Variants in EFEMP1 observed in about 807,000 individuals in gnomAD.
The protein encoded by EFEMP1 is EGF-like fibulin extracellular matrix protein 1.
A neutral mutation model predicts 65.7 loss-of-function variants in EFEMP1; 18 were observed. The ratio of observed to expected loss-of-function variants is 0.27; its 90% CI spans 0.19 to 0.41. EFEMP1 has a LOEUF of 0.41. EFEMP1 is among the 10% of genes least tolerant of loss of function. The pLI is 1.00. For synonymous variants in EFEMP1, 237 were observed against 219.7 expected, an observed-to-expected ratio of 1.08 and a Z score of -0.70; for missense variants, 469 against 624.8, an observed-to-expected ratio of 0.75 and a Z score of 2.66.
At position 55,866,390 on chromosome 2, in the gene EFEMP1, T is replaced by A. The variant is rs1668578736; in HGVS notation, c.*683A>T. The A allele has an allele frequency of 6.6e-6, 1 of 152,232 alleles. No individual in the cohort carries two copies. Among genetic ancestry groups the A allele is most frequent in the Non-Finnish European group, 1.5e-5 (1 of 68,050 alleles). 9.4% of individuals were successfully genotyped at this position (152,232 alleles called of 1,614,324 possible). ...ATCCTCCCCATAGATTTCTCAATAGTATAATTTTCTAGGGGATATCTGGTT... is the reference window on the plus strand; with the variant it reads ...ATCCTCCCCATAGATTTCTCAATAGAATAATTTTCTAGGGGATATCTGGTT... On this transcript the variant is annotated 3_prime_UTR_variant, in exon 12 of 12. Transcript: ENST00000355426.
At position 55,918,229 on chromosome 2, in the gene EFEMP1, C is replaced by G. The variant is rs1191176601; in HGVS notation, c.120G>C (p.Gln40His). Residue 40 changes from glutamine (Q) to histidine (H), a missense_variant, in exon 4 of 12, where the codon CAG (glutamine) becomes CAC (histidine). Coordinates refer to ENST00000355426, the MANE Select transcript of EFEMP1 (RefSeq NM_001039348.3). Reference sequence around the variant, plus strand: ...TTGAAGCTGGCTCACCTTTGCATTGCTGTCTCACAGGATCCCACTCATATC... The same window carrying G: ...TTGAAGCTGGCTCACCTTTGCATTGGTGTCTCACAGGATCCCACTCATATC... The part of the protein sequence containing the change: ...TDGYEWDPVR[Q>H]QCKDIDECDI... 6.2e-7 allele frequency: 1 copy of G among 1,614,086 alleles called. No individual in the cohort carries two copies. The highest frequency in any genetic ancestry group is 2.2e-5 in the East Asian group (1 of 44,900).
intron 5 of EFEMP1, among the ~76,000 whole-genome samples, chr2:55,904,029 G>A (rs1384959971): frequency 2.0e-5 from 3 of 152,176 alleles, no homozygotes; most frequent in African/African-American, 4.8e-5. Context: ...GGAAGATAAA[G>A]GTATGGCTCA....
chr2:55,912,198 T>G (rs1011646700), intron 5 of EFEMP1, among the ~76,000 whole-genome samples: 22 of 152,202 alleles, frequency 1.4e-4, no homozygotes, highest in African/African-American at 5.3e-4. Flanking sequence ...GTCTTCCTTT[T>G]GCAAAATATC....
intron 5 of EFEMP1, among the ~76,000 whole-genome samples, chr2:55,906,116 C>T (rs1384179842): frequency 2.0e-5 from 3 of 151,956 alleles, no homozygotes; most frequent in East Asian, 1.9e-4. Context: ...AAATTTCCTT[C>T]TTCCATTTAG....
chr2:55,892,602 CTG>C (rs1276978545), intron 5 of EFEMP1, among the ~76,000 whole-genome samples: 4 of 152,218 alleles, frequency 2.6e-5, no homozygotes, highest in Middle Eastern at 3.4e-3. Flanking sequence ...AAATACACTA[CTG>C]TGTTCCTATA....
At chr2:55,869,236 T>C (rs1668707339) in intron 11 of EFEMP1, among the ~76,000 whole-genome samples, 1 of 152,124 alleles carries the variant, frequency 6.6e-6, no homozygotes, top group Admixed American at 6.5e-5. Context: ...TGCTAGAAAA[T>C]TTTATTTTCT....
intron 5 of EFEMP1, among the ~76,000 whole-genome samples, chr2:55,899,152 A>C (rs1445831544): frequency 2.6e-5 from 4 of 152,204 alleles, no homozygotes; most frequent in African/African-American, 9.6e-5. Flanking sequence ...TGGCAGCACC[A>C]ATTCCTCCTC....
In EFEMP1 at chr2:55,919,149, T is replaced by C. The variant is rs565518149; in HGVS notation, c.82-882A>G. Among the ~76,000 whole-genome samples, 11 of 152,212 alleles carry C rather than the reference T, an allele frequency of 7.2e-5. No homozygotes were observed. The highest frequency in any genetic ancestry group is 3.3e-4 in the Admixed American group (5 of 15,286). ...GTGGGAATTCTAGGAAGAGAGGCTA[T>C]TGTGACAAAGGCATAAAATTTTTGA... On this transcript the variant is annotated intron_variant, in intron 3 of 11. Coordinates refer to ENST00000355426, the MANE Select transcript of EFEMP1 (RefSeq NM_001039348.3). The surrounding 1 kb of genome is among the most constrained non-coding windows in gnomAD (Gnocchi z 4.5).
At chr2:55,902,019 A>G (rs1335703063) in intron 5 of EFEMP1, among the ~76,000 whole-genome samples, 2 of 152,194 alleles carry the variant, frequency 1.3e-5, no homozygotes, top group Non-Finnish European at 2.9e-5. Context: ...TGAGCTAGGG[A>G]GTGGATCTTT....
chr2:55,904,547 T>C (rs905097490), intron 5 of EFEMP1, among the ~76,000 whole-genome samples: 1 of 152,234 alleles, frequency 6.6e-6, no homozygotes, highest in East Asian at 1.9e-4. Flanking sequence ...ATCTAGTCCA[T>C]TGAAAGCCCA....
intron 5 of EFEMP1, among the ~76,000 whole-genome samples, chr2:55,909,925 G>T (rs1195998813): frequency 6.6e-6 from 1 of 152,098 alleles, no homozygotes; most frequent in Non-Finnish European, 1.5e-5. Flanking sequence ...AGCAGAAAGT[G>T]GTTCTCAAAT....
chr2:55,918,317 T>C, intron 3 of EFEMP1, 50 bp from the exon 4 acceptor site: 1 of 1,600,704 alleles, frequency 6.2e-7, no homozygotes, highest in East Asian at 2.2e-5. Context: ...AATTGGTGTG[T>C]CCATTCCCTA....
At chr2:55,901,266 C>T (rs1186510829) in intron 5 of EFEMP1, among the ~76,000 whole-genome samples, 3 of 152,176 alleles carry the variant, frequency 2.0e-5, no homozygotes, top group African/African-American at 4.8e-5. Context: ...TTTTATGTAA[C>T]AAGCATGTGA....
intron 6 of EFEMP1, among the ~76,000 whole-genome samples, chr2:55,880,977 T>A (rs1669217212): frequency 6.6e-6 from 1 of 152,244 alleles, no homozygotes; most frequent in Non-Finnish European, 1.5e-5. Context: ...AACTTGGCTT[T>A]GTACTCATGG....
At chr2:55,892,335 T>C (rs1669657384) in intron 5 of EFEMP1, among the ~76,000 whole-genome samples, 1 of 152,140 alleles carries the variant, frequency 6.6e-6, no homozygotes, top group African/African-American at 2.4e-5. Context: ...TAAAAGTATT[T>C]GTTTTCTAGC....
rs1270958969 is a variant in EFEMP1 at position 55,866,391 on chromosome 2, A to T, written c.*682T>A. ...TCCTCCCCATAGATTTCTCAATAGTATAATTTTCTAGGGGATATCTGGTTC... is the reference window on the plus strand; with the variant it reads ...TCCTCCCCATAGATTTCTCAATAGTTTAATTTTCTAGGGGATATCTGGTTC... On this transcript the variant is annotated 3_prime_UTR_variant, in exon 12 of 12. Transcript: ENST00000355426. The T allele has an allele frequency of 2.0e-5, 3 of 152,236 alleles. No individual in the cohort carries two copies. The allele number at this position is 152,236 out of a possible 1,614,324, so 9.4% of individuals were successfully genotyped here.
rs1283962758 is a variant in EFEMP1, at chr2:55,922,486, G to C, written c.-7-39C>G. The stretch of plus-strand genomic sequence containing the variant: ...CAGGACAAACTAATGTTTAGTATCT[G>C]CTGCGGGGAAAGTAACAAAACTTTA... On this transcript the variant is annotated intron_variant, in intron 2 of 11. Transcript: ENST00000355426. The surrounding 1 kb of genome is among the most constrained non-coding windows in gnomAD (Gnocchi z 5.5). 6.3e-7 allele frequency: 1 copy of C among 1,579,782 alleles called. No homozygotes were observed. Among genetic ancestry groups the C allele is most frequent in the African/African-American group, 1.3e-5 (1 of 74,178 alleles).
At chr2:55,908,439 A>G (rs72811705) in intron 5 of EFEMP1, among the ~76,000 whole-genome samples, 8,416 of 152,176 alleles carry the variant, frequency 0.055, 355 homozygotes, top group African/African-American at 0.12. Context: ...GCTGAGGGTG[A>G]GAATGGGGGG....
At position 55,890,073 on chromosome 2, in the gene EFEMP1, A is replaced by T. The variant is rs916408630; in HGVS notation, c.518-8339T>A. 3.3e-5 allele frequency among the ~76,000 whole-genome samples: 5 copies of T among 152,116 alleles called. 1 individual carries two copies. In the East Asian group the frequency reaches 7.7e-4, roughly 23 times the overall value. ...TGATTAAAAAACAAAACCCAAATATACTGTTTCAAGAGACATAATTTAAAT... is the reference window on the plus strand; with the variant it reads ...TGATTAAAAAACAAAACCCAAATATTCTGTTTCAAGAGACATAATTTAAAT... On this transcript the variant is annotated intron_variant, in intron 5 of 11. Coordinates refer to ENST00000355426, the MANE Select transcript of EFEMP1 (RefSeq NM_001039348.3).
Sources: gnomAD v4.1 joint callset for allele counts (sites outside exome capture counted in the v4.1 genomes callset) on GRCh38, gnomAD v4.1.1 for gene constraint, Gnocchi (gnomAD v3.1) non-coding constraint, MANE v1.5 for transcripts, NCBI Gene and HGNC (gene_info 2026-07-23, HGNC 2026-07-21) for gene names.